TXNDC16: variants seen among roughly 807,000 people sequenced by gnomAD.
TXNDC16 encodes the protein thioredoxin domain containing 16, also known as thioredoxin domain-containing protein 16.
TXNDC16 carries 74 observed loss-of-function variants against 85.6 expected under a neutral mutation model. That is an observed-to-expected ratio of 0.86 (90% CI 0.72 to 1.05). TXNDC16 has a LOEUF of 1.05. TXNDC16 is among the 50% of genes least tolerant of loss of function. TXNDC16 has a pLI of 0.00. For synonymous variants in TXNDC16, 335 were observed against 326.5 expected (o/e 1.03, Z -0.28); for missense variants, 959 against 947.0 (o/e 1.01, Z -0.17).
chr14:52,465,668 T>C (rs1231971920), intron 16 of TXNDC16, among the ~76,000 whole-genome samples: 4 of 151,122 alleles, frequency 2.6e-5, no homozygotes, highest in African/African-American at 7.3e-5. Context: ...ACAAATAACA[T>C]TCCCAGAAAT....
chr14:52,470,589 C>CT lies in TXNDC16; in HGVS notation c.1403dup (p.Met469AspfsTer51). On this transcript the variant is annotated frameshift_variant, in exon 15 of 21. Transcript: ENST00000281741. LOFTEE classifies it high-confidence loss of function. ...CTGGGTTCTCGCCTTTCTTGTACAT[C>CT]TTTATGATAGGAAATTCAGTAACAT... 6.2e-7 allele frequency: 1 copy of CT among 1,613,960 alleles called. No homozygotes were observed. Among genetic ancestry groups the CT allele is most frequent in the Non-Finnish European group, 8.5e-7 (1 of 1,179,948 alleles).
At chr14:52,462,650 G>A (rs975586817) in intron 16 of TXNDC16, among the ~76,000 whole-genome samples, 1 of 152,062 alleles carries the variant, frequency 6.6e-6, no homozygotes, top group Non-Finnish European at 1.5e-5. Context: ...TGTTATAAAG[G>A]GTCTTTTAAA....
chr14:52,529,725 A>G (rs2037442733), intron 6 of TXNDC16, among the ~76,000 whole-genome samples: 1 of 118,204 alleles, frequency 8.5e-6, no homozygotes, highest in Admixed American at 9.9e-5. Context: ...TATTATATAT[A>G]TTATATATAA....
chr14:52,447,894 A>T (rs767378086), intron 18 of TXNDC16, among the ~76,000 whole-genome samples: 33 of 152,148 alleles, frequency 2.2e-4, no homozygotes, highest in South Asian at 1.5e-3. Flanking sequence ...ATGCAACTAA[A>T]CTAACATATG....
intron 16 of TXNDC16, among the ~76,000 whole-genome samples, chr14:52,469,005 C>T (rs1173004822): frequency 6.6e-6 from 1 of 151,914 alleles, no homozygotes; most frequent in Non-Finnish European, 1.5e-5. Flanking sequence ...AAATATTCTT[C>T]ACATACAGAA....
chr14:52,448,345 T>G (rs190121140), intron 18 of TXNDC16, among the ~76,000 whole-genome samples: 1 of 152,182 alleles, frequency 6.6e-6, no homozygotes, highest in East Asian at 1.9e-4. Context: ...GCAGCTGACT[T>G]TTCAGTGGAA....
At chr14:52,527,237 T>G (rs2037357590) in intron 6 of TXNDC16, among the ~76,000 whole-genome samples, 1 of 152,138 alleles carries the variant, frequency 6.6e-6, no homozygotes, top group Admixed American at 6.5e-5. Context: ...GACTGGCATC[T>G]CAGGTAGGGG....
intron 4 of TXNDC16, 69 bp downstream of exon 4, chr14:52,542,302 T>G (rs921026646): frequency 1.0e-6 from 1 of 992,060 alleles, no homozygotes; most frequent in African/African-American, 1.6e-5. Context: ...TTTTAAGATA[T>G]TCAATCTTAA....
intron 18 of TXNDC16, among the ~76,000 whole-genome samples, chr14:52,443,734 T>C (rs969909869): frequency 6.6e-6 from 1 of 152,208 alleles, no homozygotes; most frequent in African/African-American, 2.4e-5. Context: ...AAGATTTCTG[T>C]ATCAGATTGG....
intron 7 of TXNDC16, among the ~76,000 whole-genome samples, chr14:52,517,002 A>G (rs2037098301): frequency 6.6e-6 from 1 of 152,008 alleles, no homozygotes; most frequent in South Asian, 2.1e-4. Flanking sequence ...TCCTTCTTCA[A>G]TCATATCTTA....
At chr14:52,474,457 T>TAG (rs2035975500) in intron 14 of TXNDC16, among the ~76,000 whole-genome samples, 1 of 152,170 alleles carries the variant, frequency 6.6e-6, no homozygotes, top group South Asian at 2.1e-4. Context: ...AAAAAATGAT[T>TAG]AGAGGCTGGG....
chr14:52,526,256 A>G (rs2037332796), intron 6 of TXNDC16, among the ~76,000 whole-genome samples: 1 of 152,192 alleles, frequency 6.6e-6, no homozygotes, highest in Non-Finnish European at 1.5e-5. Flanking sequence ...TTTAAATGTC[A>G]TTTATTTTAC....
chr14:52,455,930 A>G (rs2035522245), intron 17 of TXNDC16, among the ~76,000 whole-genome samples: 1 of 152,160 alleles, frequency 6.6e-6, no homozygotes, highest in African/African-American at 2.4e-5. Flanking sequence ...ATTAAGAAAT[A>G]GGACTGAGAG....
chr14:52,517,535 C>T (rs1003455526), intron 7 of TXNDC16, among the ~76,000 whole-genome samples: 1 of 152,078 alleles, frequency 6.6e-6, no homozygotes, highest in Non-Finnish European at 1.5e-5. Context: ...CGTTTATAAA[C>T]TCTTAGCACC....
chr14:52,506,527 C>CTTTTTTTTT (rs765293725), intron 9 of TXNDC16, among the ~76,000 whole-genome samples: 27 of 97,548 alleles, frequency 2.8e-4, no homozygotes, highest in South Asian at 8.3e-4. Flanking sequence ...TTCAACAACC[C>CTTTTTTTTT]TTTTTTTTTT....
At chr14:52,545,723 C>G (rs1026646232) in intron 1 of TXNDC16, among the ~76,000 whole-genome samples, 10 of 152,074 alleles carry the variant, frequency 6.6e-5, no homozygotes, top group African/African-American at 2.4e-4. Flanking sequence ...AAGTAATTGG[C>G]TCTAAGGAAG....
chr14:52,503,840 G>A (rs938965651), intron 9 of TXNDC16, among the ~76,000 whole-genome samples: 11 of 152,272 alleles, frequency 7.2e-5, no homozygotes, highest in African/African-American at 1.2e-4. Flanking sequence ...AAGATTAGAC[G>A]AATGGCTAAC....
At chr14:52,436,819 A>G (rs1011067130) in intron 20 of TXNDC16, among the ~76,000 whole-genome samples, 1 of 152,092 alleles carries the variant, frequency 6.6e-6, no homozygotes, top group Admixed American at 6.5e-5. Context: ...ATGTGTATAT[A>G]CATACGTACA....
intron 9 of TXNDC16, among the ~76,000 whole-genome samples, chr14:52,499,977 G>T (rs1056943482): frequency 2.0e-5 from 3 of 151,504 alleles, no homozygotes; most frequent in Non-Finnish European, 4.4e-5. Flanking sequence ...TATTTTTATT[G>T]GGTTTTAATT....
Sources: allele counts gnomAD v4.1 joint callset (sites outside exome capture counted in the v4.1 genomes callset), GRCh38; gene constraint gnomAD v4.1.1; transcripts MANE v1.5; gene names NCBI Gene and HGNC (gene_info 2026-07-23, HGNC 2026-07-21).